Variants in WWOX observed in about 807,000 individuals in gnomAD.
WWOX encodes the protein WW domain containing oxidoreductase.
In WWOX, 69 loss-of-function variants were observed where a neutral mutation model predicts 46.2. The observed-to-expected ratio is 1.49, with a 90% confidence interval of 1.23 to 1.82. The LOEUF is 1.82. WWOX is among the 40% of genes most tolerant of loss of function. The pLI is 0.00. For synonymous variants in WWOX, 359 were observed against 202.6 expected, an observed-to-expected ratio of 1.77 and a Z score of -6.56; for missense variants, 919 against 542.6, an observed-to-expected ratio of 1.69 and a Z score of -6.89.
At chr16:78,463,919 A>G (rs1014582265) in intron 8 of WWOX, among the ~76,000 whole-genome samples, 1 of 152,140 alleles carries the variant, frequency 6.6e-6, no homozygotes, top group Non-Finnish European at 1.5e-5. Flanking sequence ...GAGGATGTTC[A>G]ATTTGTACTG....
intron 5 of WWOX, among the ~76,000 whole-genome samples, chr16:78,345,652 A>C (rs1400986794): frequency 9.3e-6 from 1 of 107,720 alleles, no homozygotes; most frequent in East Asian, 2.0e-4. Context: ...AAAAAAAAAA[A>C]AAAAAAAAAA....
In WWOX at chr16:78,360,186, G is replaced by A. The variant is rs527681065; in HGVS notation, c.517-26674G>A. On this transcript the variant is annotated intron_variant, in intron 5 of 8. Coordinates refer to ENST00000566780, the MANE Select transcript of WWOX (RefSeq NM_016373.4). ...AATATTACTTTCTAAAAGCAAGGGC[G>A]TTTTGACACCAGATATTGTGAGGAC... Among the ~76,000 whole-genome samples the A allele has an allele frequency of 3.9e-5, 6 of 152,246 alleles. No homozygotes were observed. In the East Asian group the frequency reaches 7.7e-4, roughly 20 times the overall value.
chr16:78,781,630 A>G (rs574523094), intron 8 of WWOX, among the ~76,000 whole-genome samples: 25 of 152,266 alleles, frequency 1.6e-4, no homozygotes, highest in African/African-American at 5.1e-4. Context: ...TTACAAAGAC[A>G]TGAATATTGG....
intron 8 of WWOX, among the ~76,000 whole-genome samples, chr16:78,919,762 G>T (rs543132311): frequency 2.6e-5 from 4 of 151,952 alleles, no homozygotes; most frequent in African/African-American, 7.3e-5. Context: ...TGATCCACTC[G>T]CCTTGGCCTC....
intron 8 of WWOX, among the ~76,000 whole-genome samples, chr16:78,676,754 C>G (rs1360254728): frequency 6.6e-6 from 1 of 152,164 alleles, no homozygotes; most frequent in Non-Finnish European, 1.5e-5. Context: ...GCTAAGTCTT[C>G]TTTTATTGAA....
chr16:79,021,797 C>G (rs1212068834), intron 8 of WWOX, among the ~76,000 whole-genome samples: 2 of 152,174 alleles, frequency 1.3e-5, no homozygotes, highest in African/African-American at 2.4e-5. Flanking sequence ...GCCACAGACC[C>G]TCAGATTAAG....
intron 8 of WWOX, among the ~76,000 whole-genome samples, chr16:78,778,045 A>G (rs1201143628): frequency 4.8e-4 from 1 of 2,098 alleles, no homozygotes; most frequent in African/African-American, 1.7e-3. Context: ...ACTCCATCTG[A>G]AAAAAAAAAA....
At chr16:78,834,283 T>G (rs1204829000) in intron 8 of WWOX, among the ~76,000 whole-genome samples, 2 of 152,192 alleles carry the variant, frequency 1.3e-5, no homozygotes, top group South Asian at 2.1e-4. Flanking sequence ...CATGTCCCCA[T>G]TGAACACTGC....
At chr16:78,265,279 G>C (rs951674316) in intron 5 of WWOX, among the ~76,000 whole-genome samples, 2 of 152,016 alleles carry the variant, frequency 1.3e-5, no homozygotes, top group African/African-American at 4.8e-5. Context: ...ACAGGCATAA[G>C]CCACCTCACC....
chr16:78,890,077 A>G (rs1447197464), intron 8 of WWOX, among the ~76,000 whole-genome samples: 1 of 152,108 alleles, frequency 6.6e-6, no homozygotes, highest in Non-Finnish European at 1.5e-5. Context: ...AATTGCTCCT[A>G]GGGAAATACA....
At chr16:78,644,188 C>T (rs578045608) in intron 8 of WWOX, among the ~76,000 whole-genome samples, 1 of 152,212 alleles carries the variant, frequency 6.6e-6, no homozygotes, top group Admixed American at 6.5e-5. Context: ...CGCCATTGCA[C>T]TCCAGCCTGG....
chr16:78,600,286 C>A (rs1306874503), intron 8 of WWOX, among the ~76,000 whole-genome samples: 1 of 151,932 alleles, frequency 6.6e-6, no homozygotes, highest in Non-Finnish European at 1.5e-5. Flanking sequence ...CAAACCATAT[C>A]ACAGGGTCAC....
chr16:78,468,861 T>C (rs909315688), intron 8 of WWOX, among the ~76,000 whole-genome samples: 1 of 152,338 alleles, frequency 6.6e-6, no homozygotes, highest in African/African-American at 2.4e-5. Flanking sequence ...CTGTGGGTCT[T>C]TCTTTGGGGG....
At chr16:79,130,510 A>G (rs935477034) in intron 8 of WWOX, among the ~76,000 whole-genome samples, 1 of 152,064 alleles carries the variant, frequency 6.6e-6, no homozygotes, top group South Asian at 2.1e-4. Flanking sequence ...GAGTCTTGAG[A>G]CTCCAGAGAT....
At chr16:78,700,995 C>T (rs2048204668) in intron 8 of WWOX, among the ~76,000 whole-genome samples, 1 of 152,058 alleles carries the variant, frequency 6.6e-6, no homozygotes, top group African/African-American at 2.4e-5. Context: ...TGTCCTGGAG[C>T]TAGGCTGCCT....
chr16:79,046,625 C>G (rs976750014), intron 8 of WWOX, among the ~76,000 whole-genome samples: 1 of 152,148 alleles, frequency 6.6e-6, no homozygotes, highest in African/African-American at 2.4e-5. Flanking sequence ...AAAAACAAAG[C>G]TTTCTGTCTC....
chr16:78,888,439 T>C (rs1476390601), intron 8 of WWOX, among the ~76,000 whole-genome samples: 1 of 152,190 alleles, frequency 6.6e-6, no homozygotes, highest in Non-Finnish European at 1.5e-5. Context: ...TGTCTAGGGA[T>C]TTAGTTTCTC....
intron 8 of WWOX, among the ~76,000 whole-genome samples, chr16:79,185,719 G>A (rs988490037): frequency 1.3e-5 from 2 of 152,170 alleles, no homozygotes; most frequent in Admixed American, 6.5e-5. Context: ...TGTCTTGAGA[G>A]CAGAGAAGGT....
At position 78,584,179 on chromosome 16, in the gene WWOX, C is replaced by T. The variant is rs78904459; in HGVS notation, c.1056+151427C>T. 4.3e-3 allele frequency among the ~76,000 whole-genome samples: 652 copies of T among 152,324 alleles called. 7 individuals carry two copies. The highest frequency in any genetic ancestry group is 0.015 in the African/African-American group (626 of 41,568). ...CATTTCTCCTTCTCTAAGACTAACA[C>T]AAGGCCTGGCATAATCATTGTCATC... On this transcript the variant is annotated intron_variant, in intron 8 of 8. Transcript: ENST00000566780.
Sources: allele counts gnomAD v4.1 joint callset (sites outside exome capture counted in the v4.1 genomes callset), GRCh38; gene constraint gnomAD v4.1.1; transcripts MANE v1.5; gene names NCBI Gene and HGNC (gene_info 2026-07-23, HGNC 2026-07-21).